C17orf78: variants seen among roughly 807,000 people sequenced by gnomAD.
The protein encoded by C17orf78 is uncharacterized protein C17orf78.
Under a neutral mutation model 31.8 loss-of-function variants are expected in C17orf78, and 27 were observed. The observed-to-expected ratio is 0.85, with a 90% CI of 0.63 to 1.17. The LOEUF is 1.17. Ranked by LOEUF, C17orf78 falls within the 50% of genes most tolerant of loss-of-function variation. C17orf78 has a pLI of 0.00. For missense variants in C17orf78, 258 were observed against 315.2 expected (o/e 0.82, Z 1.37); for synonymous variants, 106 against 115.1 (o/e 0.92, Z 0.51).
At chr17:37,379,107 C>T in intron 2 of C17orf78, 30 bp from the exon 3 acceptor site, 1 of 1,592,056 alleles carries the variant, frequency 6.3e-7, no homozygotes, top group South Asian at 1.1e-5. Flanking sequence ...AAACCAGCTC[C>T]ATTTTTCTAT....
rs1568088070 is a variant in C17orf78 at position 37,386,033 on chromosome 17, G to A, written c.416G>A (p.Cys139Tyr). The part of the protein sequence containing the change: ...GKAFLPGISQ[C>Y]KVLGASSETF... ...GCTTTTTTACCAGGGATCTCACAAT[G>A]TAAAGTCCTGGGGGCTTCATCAGAG... The change falls in exon 4 of 7, where the codon TGT becomes TAT. Residue 139 changes from cysteine (C) to tyrosine (Y), a missense_variant. Coordinates refer to ENST00000615133, the MANE Select transcript of C17orf78 (RefSeq NM_173625.5). 1.3e-6 allele frequency: 2 copies of A among 1,599,666 alleles called. No homozygotes were observed. Among genetic ancestry groups the A allele is most frequent in the Non-Finnish European group, 1.7e-6 (2 of 1,169,746 alleles).
intron 4 of C17orf78, among the ~76,000 whole-genome samples, chr17:37,388,357 T>C (rs1182585731): frequency 2.0e-5 from 3 of 152,122 alleles, no homozygotes; most frequent in Non-Finnish European, 4.4e-5. Context: ...TAGAGCTCCA[T>C]GTGTACCCGA....
rs1326888427 is a variant in C17orf78, at chr17:37,392,529, G to A, written c.*805G>A. ...CACCTGATCTTGAATCAATGTTGAG[G>A]TGAAAAAGGAAATGTCAGGAGGGAT... On this transcript the variant is annotated 3_prime_UTR_variant, in exon 7 of 7. Transcript: ENST00000615133. The A allele has an allele frequency of 6.6e-6, 1 of 152,122 alleles. No homozygotes were observed. The highest frequency in any genetic ancestry group is 1.5e-5 in the Non-Finnish European group (1 of 68,028). The allele number at this position is 152,122 out of a possible 1,614,324, so 9.4% of individuals were successfully genotyped here. A position where few individuals can be genotyped will look rare whatever the true frequency, so the allele number is the denominator to read the frequency against.
chr17:37,380,657 G>A (rs1000319941), intron 3 of C17orf78, among the ~76,000 whole-genome samples: 1 of 151,916 alleles, frequency 6.6e-6, no homozygotes, highest in Admixed American at 6.6e-5. Flanking sequence ...GAGTCCAGTG[G>A]TGCGATCTTG....
At chr17:37,387,788 A>G in intron 4 of C17orf78, 1 of 152,166 alleles carries the variant, frequency 6.6e-6, no homozygotes, top group East Asian at 1.9e-4. Context: ...TAAATTGGCC[A>G]GGACTAAAAT....
intron 1 of C17orf78, among the ~76,000 whole-genome samples, chr17:37,376,963 AAAATT>A (rs1180523354): frequency 1.3e-5 from 2 of 152,174 alleles, no homozygotes; most frequent in Non-Finnish European, 2.9e-5. Flanking sequence ...CAAAAAATAA[AAAATT>A]AAAATAAAAA....
chr17:37,390,302 A>AATTTTATATAATATATAT (rs1568095743), intron 6 of C17orf78, among the ~76,000 whole-genome samples: 1 of 39,470 alleles, frequency 2.5e-5, no homozygotes, highest in Non-Finnish European at 3.8e-5. Context: ...TATTATACAT[A>AATTTTATATAATATATAT]ATTATATATA....
intron 1 of C17orf78, 64 bp downstream of exon 1, chr17:37,376,214 G>A: frequency 7.2e-7 from 1 of 1,383,908 alleles, no homozygotes; most frequent in Non-Finnish European, 1.0e-6. Flanking sequence ...GAGTTTCGGG[G>A]TCTCTTCCAC....
Position 37,392,285 on chromosome 17 carries a change from G to T in C17orf78, c.*561G>T, listed in dbSNP as rs1485634285. On this transcript the variant is annotated 3_prime_UTR_variant, in exon 7 of 7. Coordinates refer to ENST00000615133, the MANE Select transcript of C17orf78 (RefSeq NM_173625.5). ...CTTCCTCATAAGTTATCCCCAAGGG[G>T]TTCAGGGACTACAGACCATTAGTAC... 6.5e-6 allele frequency: 1 copy of T among 152,994 alleles called. No homozygotes were observed. The highest frequency in any genetic ancestry group is 1.5e-5 in the Non-Finnish European group (1 of 68,648). The allele number at this position is 152,994 out of a possible 1,614,324, so 9.5% of individuals were successfully genotyped here.
intron 4 of C17orf78, 44 bp downstream of exon 4, chr17:37,386,169 G>T: frequency 1.6e-6 from 2 of 1,250,272 alleles, no homozygotes; most frequent in South Asian, 1.4e-5. Context: ...GAATAAGTAG[G>T]AGTAAAATGG....
rs1301760228 is a variant in C17orf78, at chr17:37,379,367, C to G, written c.376C>G (p.Leu126Val). Residue 126 changes from leucine to valine, a missense_variant, in exon 3 of 7, where the codon CTT (leucine) becomes GTT (valine). Transcript: ENST00000615133. ...CACATCCAAGTTTCAGACTGGATCT[C>G]TTCTAAAAGGCAAAGGTGAGATTGG... Reference protein sequence around the residue: ...IPTSKFQTGSLLKGKAFLPGI... With the variant: ...IPTSKFQTGSVLKGKAFLPGI... 2.5e-6 allele frequency: 4 copies of G among 1,613,790 alleles called. No homozygotes were observed. The highest frequency in any genetic ancestry group is 3.4e-6 in the Non-Finnish European group (4 of 1,179,824).
At position 37,388,759 on chromosome 17, in the gene C17orf78, ATTATAGTATT is replaced by A. The variant is rs1568092377; in HGVS notation, c.600_609del (p.Ile200MetfsTer2). Reference sequence around the variant, plus strand: ...CACCCTGTTGCTCAGTGGAGTTGCCATTATAGTATTTGTAATTTTTGAAGTCCCATGTCCT... The same window carrying A: ...CACCCTGTTGCTCAGTGGAGTTGCCATGTAATTTTTGAAGTCCCATGTCCT... On this transcript the variant is annotated frameshift_variant, in exon 5 of 7. Coordinates refer to ENST00000615133, the MANE Select transcript of C17orf78 (RefSeq NM_173625.5). LOFTEE classifies it high-confidence loss of function. 1 of 1,613,140 alleles carries A rather than the reference ATTATAGTATT, an allele frequency of 6.2e-7. No individual in the cohort carries two copies. Among genetic ancestry groups the A allele is most frequent in the East Asian group, 2.2e-5 (1 of 44,874 alleles).
intron 3 of C17orf78, 150 bp downstream of exon 3, chr17:37,379,532 G>C: frequency 8.3e-7 from 1 of 1,200,030 alleles, no homozygotes; most frequent in Non-Finnish European, 1.1e-6. Context: ...AAATTTGTTT[G>C]AGTTCATTGT....
At position 37,377,996 on chromosome 17, in the gene C17orf78, A is replaced by G. The variant is rs142727216; in HGVS notation, c.145+31A>G. ...GAATGGGTCCTTTCTGGAAAATGAT[A>G]TTGCCATTCCAAAAAATTTTTACCT... On this transcript the variant is annotated intron_variant, in intron 2 of 6. Coordinates refer to ENST00000615133, the MANE Select transcript of C17orf78 (RefSeq NM_173625.5). 5,142 of 1,597,532 alleles carry G rather than the reference A, an allele frequency of 3.2e-3. 16 individuals carry two copies. Among genetic ancestry groups the G allele is most frequent in the Middle Eastern group, 0.012 (70 of 6,014 alleles).
Position 37,390,330 on chromosome 17 carries a change from A to ATATATATATATATATATCTATATC in C17orf78, c.750+972_750+973insTATATATATATATCTATATCTATA, listed in dbSNP as rs1386032855. 1.4e-4 allele frequency among the ~76,000 whole-genome samples: 6 copies of ATATATATATATATATATCTATATC among 41,582 alleles called. 1 individual carries two copies. The highest frequency in any genetic ancestry group is 6.4e-4 in the African/African-American group (5 of 7,842). 27.3% of individuals were successfully genotyped at this position (41,582 alleles called of 152,430 possible). ...TATATATATATATATATATATATAT[A>ATATATATATATATATATCTATATC]TATAAAAGGCCAGCTGGGCCGGGCA... On this transcript the variant is annotated intron_variant, in intron 6 of 6. Transcript: ENST00000615133.
intron 3 of C17orf78, among the ~76,000 whole-genome samples, chr17:37,382,357 G>T (rs971467830): frequency 6.9e-6 from 1 of 145,540 alleles, no homozygotes; most frequent in Admixed American, 6.9e-5. Context: ...TTTTCATATA[G>T]TTTTTTTTTT....
intron 3 of C17orf78, among the ~76,000 whole-genome samples, chr17:37,381,028 C>T (rs1357704534): frequency 6.6e-6 from 1 of 151,948 alleles, no homozygotes; most frequent in Non-Finnish European, 1.5e-5. Flanking sequence ...CCTGATGGAA[C>T]CACTATTATC....
In C17orf78 at chr17:37,381,176, T is replaced by TTTG. The variant is rs570921905; in HGVS notation, c.391+1812_391+1814dup. Among the ~76,000 whole-genome samples the TTTG allele has an allele frequency of 1.4e-3, 215 of 152,000 alleles. 2 individuals carry two copies. Among genetic ancestry groups the TTTG allele is most frequent in the African/African-American group, 4.6e-3 (190 of 41,400 alleles). The stretch of plus-strand genomic sequence containing the variant: ...TTTTGTTTTTTGTTGTTATTGTTAT[T>TTTG]TTGTTGTTGTTGTTGTTGTTTTCTT... On this transcript the variant is annotated intron_variant, in intron 3 of 6. Transcript: ENST00000615133.
chr17:37,378,152 T>C (rs139417187), intron 2 of C17orf78, among the ~76,000 whole-genome samples, 187 bp downstream of exon 2: 7 of 152,320 alleles, frequency 4.6e-5, no homozygotes, highest in African/African-American at 1.7e-4. Context: ...GGCATGCTTA[T>C]ATTACTCAAA....
Sources: allele counts gnomAD v4.1 joint callset (sites outside exome capture counted in the v4.1 genomes callset), GRCh38; gene constraint gnomAD v4.1.1; transcripts MANE v1.5; gene names NCBI Gene and HGNC (gene_info 2026-07-23, HGNC 2026-07-21).